Variants in FMO2 observed in about 807,000 individuals in gnomAD.
FMO2 encodes the protein flavin-containing monooxygenase 2.
A neutral mutation model predicts 41.6 loss-of-function variants in FMO2; 33 were observed. The observed-to-expected ratio is 0.79, with a 90% CI of 0.60 to 1.06. The LOEUF (loss-of-function observed/expected upper bound fraction) is 1.06, where lower values mean the gene tolerates loss of function less well. FMO2 is among the 50% of genes least tolerant of loss of function. The pLI is 0.00. For missense variants in FMO2, 619 were observed against 632.9 expected (o/e 0.98, Z 0.23); for synonymous variants, 214 against 219.6 (o/e 0.97, Z 0.23).
chr1:171,203,323 T>TCTCACA (rs1553239438), intron 5 of FMO2, among the ~76,000 whole-genome samples: 1 of 143,960 alleles, frequency 6.9e-6, no homozygotes, highest in Admixed American at 7.0e-5. Flanking sequence ...AGACCCTGTC[T>TCTCACA]CACACACACA....
chr1:171,209,822 T>A lies in FMO2; in HGVS notation c.*677T>A, dbSNP rs1247670420. The A allele has an allele frequency of 6.6e-6, 1 of 152,218 alleles. No individual in the cohort carries two copies. The highest frequency in any genetic ancestry group is 1.5e-5 in the Non-Finnish European group (1 of 68,036). The allele number at this position is 152,218 out of a possible 1,614,324, so 9.4% of individuals were successfully genotyped here. ...AACAAATATATATGTTTAATGTTTA[T>A]CATAGGCCAGACATTGTGCTATGTG... On this transcript the variant is annotated 3_prime_UTR_variant, in exon 9 of 9. Coordinates refer to ENST00000209929, the MANE Select transcript of FMO2 (RefSeq NM_001460.5).
chr1:171,205,025 G>A (rs1409801433), intron 6 of FMO2, among the ~76,000 whole-genome samples: 1 of 152,148 alleles, frequency 6.6e-6, no homozygotes, highest in Non-Finnish European at 1.5e-5. Flanking sequence ...CTAAGCCCTT[G>A]GGGATGCTTC....
chr1:171,200,167 T>C (rs1005671589), intron 5 of FMO2, among the ~76,000 whole-genome samples: 8 of 152,166 alleles, frequency 5.3e-5, no homozygotes, highest in Non-Finnish European at 1.2e-4. Flanking sequence ...AAAGATTAAA[T>C]AGATAGTAGG....
At chr1:171,200,918 A>G (rs1263126600) in intron 5 of FMO2, among the ~76,000 whole-genome samples, 1 of 152,160 alleles carries the variant, frequency 6.6e-6, no homozygotes, top group African/African-American at 2.4e-5. Flanking sequence ...GAGCTAATAT[A>G]GCAGTCAGCC....
At position 171,189,659 on chromosome 1, in the gene FMO2, C is replaced by CT. The variant is rs397827245; in HGVS notation, c.133-3659dup. Among the ~76,000 whole-genome samples the CT allele has an allele frequency of 4.2e-3, 510 of 121,474 alleles. 5 individuals are homozygous for CT. The highest frequency in any genetic ancestry group is 0.014 in the Middle Eastern group (3 of 214). 79.7% of individuals were successfully genotyped at this position (121,474 alleles called of 152,430 possible). On this transcript the variant is annotated intron_variant, in intron 2 of 8. Coordinates refer to ENST00000209929, the MANE Select transcript of FMO2 (RefSeq NM_001460.5). ...AATCTGAGCCCGTCTTTTTTCTTTT[C>CT]TTTTTTTTTTTTTTTTTGAGATGGA...
chr1:171,207,851 T>A, intron 8 of FMO2, 61 bp downstream of exon 8: 1 of 1,108,006 alleles, frequency 9.0e-7, no homozygotes, highest in Non-Finnish European at 1.4e-6. Flanking sequence ...GTGATCTAAC[T>A]ACTTACAAGA....
At chr1:171,187,250 A>G (rs915543853) in intron 2 of FMO2, among the ~76,000 whole-genome samples, 3 of 152,236 alleles carry the variant, frequency 2.0e-5, no homozygotes, top group African/African-American at 7.2e-5. Context: ...GTAATCAGGT[A>G]TCCCTGAGAT....
At chr1:171,205,137 G>A (rs1658700636) in intron 6 of FMO2, 142 bp from the exon 7 acceptor site, 2 of 566,446 alleles carry the variant, frequency 3.5e-6, no homozygotes, top group Non-Finnish European at 6.2e-6. Flanking sequence ...ATAAGGATTT[G>A]CACAGACAAC....
chr1:171,208,416 CA>C (rs979026080), intron 8 of FMO2, among the ~76,000 whole-genome samples: 1 of 152,150 alleles, frequency 6.6e-6, no homozygotes, highest in Non-Finnish European at 1.5e-5. Flanking sequence ...ATTTAACAAG[CA>C]AATATTAAGC....
intron 4 of FMO2, 57 bp downstream of exon 4, chr1:171,196,868 T>A: frequency 6.6e-7 from 1 of 1,504,144 alleles, no homozygotes; most frequent in Non-Finnish European, 9.1e-7. Flanking sequence ...ACTTTATATG[T>A]AGTTTGGATT....
chr1:171,200,677 A>C (rs1022806324), intron 5 of FMO2, among the ~76,000 whole-genome samples: 1 of 152,202 alleles, frequency 6.6e-6, no homozygotes, highest in Non-Finnish European at 1.5e-5. Context: ...CCGGGAACAG[A>C]GCAGGTCACT....
At chr1:171,198,184 A>C (rs989481907) in intron 4 of FMO2, among the ~76,000 whole-genome samples, 2 of 152,200 alleles carry the variant, frequency 1.3e-5, no homozygotes, top group African/African-American at 4.8e-5. Flanking sequence ...GAAGTGTAAA[A>C]GTAGTAACTA....
chr1:171,195,846 C>A (rs1218421892), intron 3 of FMO2, among the ~76,000 whole-genome samples: 1 of 152,192 alleles, frequency 6.6e-6, no homozygotes, highest in East Asian at 1.9e-4. Flanking sequence ...AGATCATGAA[C>A]TGTCTTGCTC....
At chr1:171,187,699 C>T (rs1222530996) in intron 2 of FMO2, among the ~76,000 whole-genome samples, 2 of 146,656 alleles carry the variant, frequency 1.4e-5, no homozygotes, top group East Asian at 4.0e-4. Flanking sequence ...GAATCAAAAT[C>T]TTCTGGGGGT....
chr1:171,196,733 C>A lies in FMO2; in HGVS notation c.406C>A (p.Gln136Lys). ...TGTCACTCAGAGCAACGGCAAGGAG[C>A]AGAGTGCTGTCTTTGACGCAGTTAT... ...KVVTQSNGKE[Q>K]SAVFDAVMVC... The change falls in exon 4 of 9, where the codon CAG (glutamine) becomes AAG (lysine). Residue 136 changes from glutamine (Q) to lysine (K), a missense_variant. By Grantham distance (53) the Gln-to-Lys change is moderately conservative. Coordinates refer to ENST00000209929, the MANE Select transcript of FMO2 (RefSeq NM_001460.5). 1.2e-6 allele frequency: 2 copies of A among 1,613,596 alleles called. No homozygotes were observed. The highest frequency in any genetic ancestry group is 1.3e-5 in the African/African-American group (1 of 75,030).
At chr1:171,191,605 A>G (rs1658083984) in intron 2 of FMO2, among the ~76,000 whole-genome samples, 1 of 152,136 alleles carries the variant, frequency 6.6e-6, no homozygotes, top group African/African-American at 2.4e-5. Flanking sequence ...ACAGAGGAAA[A>G]TGAGGAAACT....
chr1:171,187,451 T>A (rs535609817), intron 2 of FMO2, among the ~76,000 whole-genome samples: 2 of 152,190 alleles, frequency 1.3e-5, no homozygotes, highest in East Asian at 3.9e-4. Flanking sequence ...CGATCTTTTT[T>A]AACATGTAAC....
chr1:171,203,696 T>C (rs1277030763), intron 5 of FMO2, among the ~76,000 whole-genome samples, 169 bp from the exon 6 acceptor site: 1 of 152,172 alleles, frequency 6.6e-6, no homozygotes, highest in Non-Finnish European at 1.5e-5. Context: ...TCAGTGTAAA[T>C]GCCACTGGGT....
intron 4 of FMO2, among the ~76,000 whole-genome samples, chr1:171,198,176 A>G (rs1658376012): frequency 6.6e-6 from 1 of 152,170 alleles, no homozygotes; most frequent in South Asian, 2.1e-4. Flanking sequence ...GTTTCCGTGA[A>G]GTGTAAAAGT....
Sources: gnomAD v4.1 joint callset for allele counts (sites outside exome capture counted in the v4.1 genomes callset) on GRCh38, gnomAD v4.1.1 for gene constraint, MANE v1.5 for transcripts, NCBI Gene and HGNC (gene_info 2026-07-23, HGNC 2026-07-21) for gene names.